The following BRINP3 variants were observed in gnomAD, a reference collection of about 807,000 sequenced individuals.
BRINP3 encodes the protein BMP/retinoic acid-inducible neural-specific protein 3.
Under a neutral mutation model 71.0 loss-of-function variants are expected in BRINP3, and 19 were observed. The observed-to-expected ratio is 0.27, with a 90% CI of 0.19 to 0.39. The LOEUF (loss-of-function observed/expected upper bound fraction) is 0.39. Among genes scored for constraint, BRINP3 ranks in the 10% least tolerant of loss-of-function variants. The probability of loss-of-function intolerance (pLI) is 1.00; values close to 1 mark genes in which losing one functional copy is unlikely to be tolerated. For synonymous variants in BRINP3, 380 were observed against 337.7 expected (o/e 1.13, Z -1.37); for missense variants, 959 against 940.8 (o/e 1.02, Z -0.25).
chr1:190,411,139 A>G (rs957421459), intron 2 of BRINP3, among the ~76,000 whole-genome samples: 2 of 152,144 alleles, frequency 1.3e-5, no homozygotes, highest in Non-Finnish European at 2.9e-5. Context: ...TAGAGTCCAG[A>G]AACATACCAT....
At chr1:190,381,257 C>T (rs1670529894) in intron 2 of BRINP3, among the ~76,000 whole-genome samples, 1 of 151,930 alleles carries the variant, frequency 6.6e-6, no homozygotes, top group African/African-American at 2.4e-5. Context: ...CTTCCTTGAC[C>T]TTTCCCTCCA....
At chr1:190,104,645 T>C (rs1651986084) in intron 7 of BRINP3, among the ~76,000 whole-genome samples, 1 of 152,088 alleles carries the variant, frequency 6.6e-6, no homozygotes, top group Non-Finnish European at 1.5e-5. Flanking sequence ...TATTGAAATA[T>C]ACTTGTATGA....
chr1:190,276,716 G>A (rs1170764633), intron 3 of BRINP3, among the ~76,000 whole-genome samples: 1 of 151,004 alleles, frequency 6.6e-6, no homozygotes, highest in Non-Finnish European at 1.5e-5. Context: ...AATCACTATT[G>A]TATGAAGTTA....
rs141712211 is a variant in BRINP3 at position 190,322,467 on chromosome 1, C to T, written c.237-40717G>A. Among the ~76,000 whole-genome samples the T allele has an allele frequency of 2.0e-4, 31 of 152,040 alleles. No homozygotes were observed. In the East Asian group the frequency reaches 5.6e-3, roughly 28 times the overall value. ...ATATTTCTCACTTGTGACAGAACACCATGGATTGCGTATACACATGATTGA... is the reference window on the plus strand; with the variant it reads ...ATATTTCTCACTTGTGACAGAACACTATGGATTGCGTATACACATGATTGA... On this transcript the variant is annotated intron_variant, in intron 2 of 7. Coordinates refer to ENST00000367462, the MANE Select transcript of BRINP3 (RefSeq NM_199051.3).
chr1:190,292,045 A>G (rs1405895880), intron 2 of BRINP3, among the ~76,000 whole-genome samples: 1 of 152,148 alleles, frequency 6.6e-6, no homozygotes, highest in Non-Finnish European at 1.5e-5. Context: ...TAAGCCAGGT[A>G]TAGAAAGAAA....
intron 2 of BRINP3, among the ~76,000 whole-genome samples, chr1:190,379,015 A>AC (rs1670352421): frequency 6.6e-6 from 1 of 152,184 alleles, no homozygotes; most frequent in Non-Finnish European, 1.5e-5. Flanking sequence ...GCATTTATGA[A>AC]CCTGTGACAG....
chr1:190,114,526 CTGTGTG>C (rs34766118), intron 7 of BRINP3, among the ~76,000 whole-genome samples: 29 of 143,114 alleles, frequency 2.0e-4, no homozygotes, highest in African/African-American at 4.1e-4. Flanking sequence ...AAGTTTGCCA[CTGTGTG>C]TGTGTGTGTG....
At chr1:190,441,878 C>T (rs539146736) in intron 2 of BRINP3, among the ~76,000 whole-genome samples, 18 of 152,074 alleles carry the variant, frequency 1.2e-4, no homozygotes, top group Admixed American at 1.2e-3. Context: ...AAGGTACACC[C>T]TGGAATGTGG....
intron 6 of BRINP3, among the ~76,000 whole-genome samples, chr1:190,180,830 A>G (rs988847106): frequency 6.6e-6 from 1 of 152,100 alleles, no homozygotes; most frequent in African/African-American, 2.4e-5. Flanking sequence ...ATTTTAAAAT[A>G]ACAACAATTC....
At chr1:190,380,660 CA>C (rs1401791476) in intron 2 of BRINP3, among the ~76,000 whole-genome samples, 1 of 152,054 alleles carries the variant, frequency 6.6e-6, no homozygotes, top group East Asian at 1.9e-4. Context: ...ATCCCAAAGT[CA>C]AACTGAATTA....
chr1:190,327,511 G>A (rs1666691235), intron 2 of BRINP3, among the ~76,000 whole-genome samples: 2 of 144,288 alleles, frequency 1.4e-5, no homozygotes, highest in South Asian at 2.2e-4. Context: ...AGCGAGCAGA[G>A]ATTGCTATTC....
chr1:190,267,600 A>T (rs1396855092), intron 3 of BRINP3, among the ~76,000 whole-genome samples: 1 of 152,030 alleles, frequency 6.6e-6, no homozygotes, highest in Non-Finnish European at 1.5e-5. Context: ...GTTGTTTTTT[A>T]AAAGAGTGGA....
chr1:190,386,830 G>A (rs770495413), intron 2 of BRINP3, among the ~76,000 whole-genome samples: 33 of 151,914 alleles, frequency 2.2e-4, no homozygotes, highest in Admixed American at 1.3e-3. Flanking sequence ...CATATTGCTA[G>A]CTATTTCTTA....
chr1:190,174,486 T>G (rs191276574), intron 6 of BRINP3, among the ~76,000 whole-genome samples: 2 of 152,238 alleles, frequency 1.3e-5, no homozygotes, highest in African/African-American at 4.8e-5. Flanking sequence ...ATATGATATA[T>G]ATATGAGATA....
intron 7 of BRINP3, among the ~76,000 whole-genome samples, chr1:190,139,097 C>G (rs1655211347): frequency 1.3e-5 from 2 of 151,704 alleles, no homozygotes; most frequent in Non-Finnish European, 2.9e-5. Flanking sequence ...GCTTAGATTC[C>G]ATTTCTGCAT....
intron 6 of BRINP3, among the ~76,000 whole-genome samples, chr1:190,189,687 C>T (rs815346): frequency 0.52 from 79,469 of 151,668 alleles, 21,970 homozygotes; most frequent in African/African-American, 0.73. Context: ...TATCTAGATT[C>T]TCTTAAAATT....
intron 2 of BRINP3, among the ~76,000 whole-genome samples, chr1:190,317,400 C>A (rs950361146): frequency 6.6e-6 from 1 of 151,962 alleles, no homozygotes; most frequent in Non-Finnish European, 1.5e-5. Context: ...TAAACTGAGG[C>A]CATTATGGAG....
At chr1:190,432,625 G>T (rs970545915) in intron 2 of BRINP3, among the ~76,000 whole-genome samples, 1 of 152,100 alleles carries the variant, frequency 6.6e-6, no homozygotes, top group Middle Eastern at 3.2e-3. Context: ...TTTGCCTATC[G>T]TTCTACTGCC....
chr1:190,107,991 T>C (rs958351032), intron 7 of BRINP3, among the ~76,000 whole-genome samples: 11 of 152,042 alleles, frequency 7.2e-5, no homozygotes, highest in African/African-American at 1.9e-4. Flanking sequence ...AGGAGTTTGA[T>C]TGACTAAAAT....
Sources: gnomAD v4.1 joint callset for allele counts (sites outside exome capture counted in the v4.1 genomes callset) on GRCh38, gnomAD v4.1.1 for gene constraint, MANE v1.5 for transcripts, NCBI Gene and HGNC (gene_info 2026-07-23, HGNC 2026-07-21) for gene names.